Variants in BDP1 observed in about 807,000 individuals in gnomAD.
BDP1 encodes BDP1 general transcription factor IIIB subunit.
BDP1 carries 169 observed loss-of-function variants against 266.6 expected under a neutral mutation model. That is an observed-to-expected ratio of 0.63 (90% confidence interval 0.56 to 0.72). BDP1 has a LOEUF of 0.72. BDP1 is among the 30% of genes least tolerant of loss of function. The pLI, the probability that BDP1 is intolerant of heterozygous loss-of-function variation, is 0.00. For synonymous variants in BDP1, 1,090 were observed against 1,022.4 expected (o/e 1.07, Z -1.26); for missense variants, 3,015 against 3,053.8 (o/e 0.99, Z 0.30).
At chr5:71,482,612 G>C (rs1763027750) in intron 7 of BDP1, among the ~76,000 whole-genome samples, 1 of 152,144 alleles carries the variant, frequency 6.6e-6, no homozygotes, top group Non-Finnish European at 1.5e-5. Context: ...ATTTCTTTGA[G>C]AAAGTTTTAA....
intron 7 of BDP1, among the ~76,000 whole-genome samples, chr5:71,482,505 C>T (rs778820100): frequency 6.6e-6 from 1 of 152,174 alleles, no homozygotes; most frequent in Non-Finnish European, 1.5e-5. Context: ...GTTACTTTGC[C>T]AAGGCCAGAA....
At chr5:71,568,820 T>A (rs1035368930), downstream of BDP1, among the ~76,000 whole-genome samples, 3 of 152,108 alleles carry the variant, frequency 2.0e-5, no homozygotes, top group African/African-American at 7.2e-5. Context: ...CATTTTTTTG[T>A]CAAAAATCAA....
Position 71,455,778 on chromosome 5 carries a change from G to A in BDP1, c.-100G>A. The A allele has an allele frequency of 3.0e-6, 3 of 1,007,656 alleles. No individual in the cohort carries two copies. In the South Asian group the frequency reaches 4.9e-5, roughly 17 times the overall value. The allele number at this position is 1,007,656 out of a possible 1,614,324, so 62.4% of individuals were successfully genotyped here. A position where few individuals can be genotyped will look rare whatever the true frequency, so the allele number is the denominator to read the frequency against. Reference sequence around the variant, plus strand: ...CCCCCTGAGCTGGTGGTGTGGCTTTGTGGGGAGGGCGTAGTTCCTAATCCC... The same window carrying A: ...CCCCCTGAGCTGGTGGTGTGGCTTTATGGGGAGGGCGTAGTTCCTAATCCC... On this transcript the variant is annotated 5_prime_UTR_variant, in exon 1 of 39. In the 5' UTR this introduces an upstream ATG that the reference lacks. Coordinates refer to ENST00000358731, the MANE Select transcript of BDP1 (RefSeq NM_018429.3).
chr5:71,529,071 A>ATAT (rs1216393300), intron 25 of BDP1, among the ~76,000 whole-genome samples: 1 of 152,156 alleles, frequency 6.6e-6, no homozygotes, highest in Non-Finnish European at 1.5e-5. Context: ...AGGGAAATTC[A>ATAT]TATATATGTT....
intron 13 of BDP1, among the ~76,000 whole-genome samples, chr5:71,501,111 AATTCTC>A (rs1764206346): frequency 6.6e-6 from 1 of 151,966 alleles, no homozygotes; most frequent in African/African-American, 2.4e-5. Flanking sequence ...AAAAAAAAAA[AATTCTC>A]ATCTGCATTT....
chr5:71,513,730 T>C (rs1280487677), intron 19 of BDP1, among the ~76,000 whole-genome samples: 1 of 152,146 alleles, frequency 6.6e-6, no homozygotes, highest in African/African-American at 2.4e-5. Context: ...TTTTTATTTT[T>C]ATTTTTTTGA....
At chr5:71,466,783 A>G (rs1000371497) in intron 5 of BDP1, among the ~76,000 whole-genome samples, 2 of 151,474 alleles carry the variant, frequency 1.3e-5, no homozygotes, top group Non-Finnish European at 2.9e-5. Context: ...TAGTAAGTAA[A>G]TAAATAAAGC....
chr5:71,570,339 G>GT (rs1188587655), downstream of BDP1, among the ~76,000 whole-genome samples: 2 of 152,124 alleles, frequency 1.3e-5, no homozygotes, highest in African/African-American at 4.8e-5. Context: ...AAGATTTATG[G>GT]TATACCCATG....
rs200604558 is a variant in BDP1, at chr5:71,564,836, C to G, written c.7826C>G (p.Ser2609Cys). 1.9e-4 allele frequency: 308 copies of G among 1,610,828 alleles called. No individual in the cohort carries two copies. Among genetic ancestry groups the G allele is most frequent in the Admixed American group, 1.3e-4 (8 of 59,766 alleles). Reference sequence around the variant, plus strand: ...CCTCAAGGGGAGGCAACCACAGTCTCTGAATATTTCTTCAATGATATCTTC... The same window carrying G: ...CCTCAAGGGGAGGCAACCACAGTCTGTGAATATTTCTTCAATGATATCTTC... ...RAPQGEATTV[S>C]EYFFNDIFIE... The change falls in exon 39 of 39, where the codon TCT (serine) becomes TGT (cysteine). Residue 2609 changes from serine (S) to cysteine (C), a missense_variant. Coordinates refer to ENST00000358731, the MANE Select transcript of BDP1 (RefSeq NM_018429.3).
chr5:71,464,701 G>A lies in BDP1; in HGVS notation c.659+584G>A, dbSNP rs1761787223. On this transcript the variant is annotated intron_variant, in intron 4 of 38. Coordinates refer to ENST00000358731, the MANE Select transcript of BDP1 (RefSeq NM_018429.3). ...AGTACAGGTGTGTGCCACCACGGTT[G>A]GCTAAATTTTTTAGTTTTTTTTTTT... Among the ~76,000 whole-genome samples the A allele has an allele frequency of 2.8e-5, 4 of 144,870 alleles. No individual in the cohort carries two copies. The South Asian group carries it at 8.9e-4, about 32-fold the overall frequency.
chr5:71,486,539 T>G lies in BDP1; in HGVS notation c.1125T>G (p.Leu375=). ...DFFAHLLQKV[L]AEEEKRKQKS... ...TTGCTCATTTGCTTCAGAAAGTTCT[T>G]GCTGAAGAAGAGAAAAGAAAACAAA... is the stretch of plus-strand genomic sequence containing the variant. Residue 375 remains leucine, a synonymous_variant, in exon 9 of 39, where the codon CTT becomes CTG. Coordinates refer to ENST00000358731, the MANE Select transcript of BDP1 (RefSeq NM_018429.3). 14 of 1,545,176 alleles carry G rather than the reference T, an allele frequency of 9.1e-6. No individual in the cohort carries two copies. The highest frequency in any genetic ancestry group is 1.2e-5 in the Non-Finnish European group (14 of 1,158,070).
At chr5:71,493,239 C>T (rs1172090314) in intron 11 of BDP1, among the ~76,000 whole-genome samples, 2 of 152,128 alleles carry the variant, frequency 1.3e-5, no homozygotes, top group Admixed American at 6.6e-5. Context: ...AAACTGTACT[C>T]GTGACTTTTT....
intron 7 of BDP1, among the ~76,000 whole-genome samples, chr5:71,476,844 C>T (rs1762618453): frequency 6.6e-6 from 1 of 152,186 alleles, no homozygotes; most frequent in African/African-American, 2.4e-5. Flanking sequence ...GCTGGGACTA[C>T]AGGCGCCCGC....
chr5:71,507,788 T>G (rs1425156721), intron 16 of BDP1, among the ~76,000 whole-genome samples: 1 of 152,176 alleles, frequency 6.6e-6, no homozygotes, highest in African/African-American at 2.4e-5. Flanking sequence ...TTGCTAAAGT[T>G]AATGATGGAT....
chr5:71,570,828 C>T (rs950194027), downstream of BDP1, among the ~76,000 whole-genome samples: 3 of 152,280 alleles, frequency 2.0e-5, no homozygotes, highest in African/African-American at 7.2e-5. Flanking sequence ...GTTACCAAGA[C>T]TTTAAAGAAA....
intron 38 of BDP1, 88 bp downstream of exon 38, chr5:71,562,608 T>C: frequency 6.6e-7 from 1 of 1,516,016 alleles, no homozygotes; most frequent in Non-Finnish European, 8.9e-7. Flanking sequence ...TTTGTTATTT[T>C]TATTTGATGT....
chr5:71,526,685 GTTTT>G (rs35962090), intron 25 of BDP1, among the ~76,000 whole-genome samples: 8 of 118,940 alleles, frequency 6.7e-5, no homozygotes, highest in African/African-American at 1.9e-4. Flanking sequence ...CTCTCTCTCT[GTTTT>G]TTTTTTTTTT....
chr5:71,564,708 G>A (rs1332796613), intron 38 of BDP1, 46 bp from the exon 39 acceptor site: 13 of 1,486,826 alleles, frequency 8.7e-6, no homozygotes, highest in African/African-American at 1.4e-5. Flanking sequence ...ATATATAAAT[G>A]TTGTATTACA....
intron 3 of BDP1, among the ~76,000 whole-genome samples, chr5:71,462,975 A>G (rs925228240): frequency 5.9e-5 from 9 of 152,048 alleles, no homozygotes; most frequent in African/African-American, 2.2e-4. Flanking sequence ...TCTACAAAAA[A>G]TACAAAAATT....
Sources: allele counts gnomAD v4.1 joint callset (sites outside exome capture counted in the v4.1 genomes callset), GRCh38; gene constraint gnomAD v4.1.1; transcripts MANE v1.5; gene names NCBI Gene and HGNC (gene_info 2026-07-23, HGNC 2026-07-21).